Variants in PPM1H observed in about 807,000 individuals in gnomAD.
PPM1H encodes the protein protein phosphatase 1H.
Under a neutral mutation model 54.9 loss-of-function variants are expected in PPM1H, and 27 were observed. That is an observed-to-expected ratio of 0.49 (90% CI 0.36 to 0.68). The LOEUF is 0.68. Ranked by LOEUF, PPM1H falls within the 30% of genes least tolerant of loss-of-function variation. The pLI, the probability that PPM1H is intolerant of heterozygous loss-of-function variation, is 0.00. For synonymous variants in PPM1H, 305 were observed against 270.8 expected (o/e 1.13, Z -1.24); for missense variants, 596 against 667.8 (o/e 0.89, Z 1.19).
chr12:62,871,961 C>A (rs1309816239), intron 1 of PPM1H, among the ~76,000 whole-genome samples: 1 of 152,168 alleles, frequency 6.6e-6, no homozygotes, highest in African/African-American at 2.4e-5. Flanking sequence ...TATTAACTTT[C>A]AGGATTTACA....
At chr12:62,802,567 G>A (rs1265441779) in intron 2 of PPM1H, among the ~76,000 whole-genome samples, 4 of 95,966 alleles carry the variant, frequency 4.2e-5, no homozygotes, top group Admixed American at 3.5e-4. Flanking sequence ...CTTAACTCCC[G>A]TCTTTTTTTT....
chr12:62,733,191 G>A (rs967103862), intron 5 of PPM1H, among the ~76,000 whole-genome samples: 1 of 152,102 alleles, frequency 6.6e-6, no homozygotes, highest in African/African-American at 2.4e-5. Flanking sequence ...ACTCATGACT[G>A]GGCTGGGCTG....
intron 1 of PPM1H, among the ~76,000 whole-genome samples, chr12:62,851,271 C>A (rs1869176592): frequency 6.6e-6 from 1 of 152,126 alleles, no homozygotes; most frequent in African/African-American, 2.4e-5. Flanking sequence ...TAGGGCATTT[C>A]AGAAGGACAC....
At chr12:62,793,451 G>A (rs190467497) in intron 3 of PPM1H, among the ~76,000 whole-genome samples, 2 of 152,144 alleles carry the variant, frequency 1.3e-5, no homozygotes, top group East Asian at 3.9e-4. Flanking sequence ...AGGGCCGGGC[G>A]CGGTGGCTCA....
intron 5 of PPM1H, among the ~76,000 whole-genome samples, chr12:62,721,431 G>A (rs556418190): frequency 1.1e-4 from 16 of 152,316 alleles, no homozygotes; most frequent in African/African-American, 3.4e-4. Flanking sequence ...GGATGAGACA[G>A]GGTGACTGAG....
At chr12:62,886,849 G>C (rs1592655237) in intron 1 of PPM1H, among the ~76,000 whole-genome samples, 1 of 152,318 alleles carries the variant, frequency 6.6e-6, no homozygotes, top group South Asian at 2.1e-4. Context: ...TGAAACAAAG[G>C]GTTTGCCACT....
chr12:62,737,611 A>G, intron 4 of PPM1H, 25 bp from the exon 5 acceptor site: 1 of 1,441,908 alleles, frequency 6.9e-7, no homozygotes, highest in Non-Finnish European at 9.5e-7. Flanking sequence ...ATGCATTGTC[A>G]GTAGCCAATC....
rs2076509371 is a variant in PPM1H, at chr12:62,761,560, G to A, written c.870-23974C>T. Among the ~76,000 whole-genome samples the A allele has an allele frequency of 2.6e-5, 4 of 152,044 alleles. No individual in the cohort carries two copies. The South Asian group carries it at 8.3e-4, about 32-fold the overall frequency. ...AAAATTGGTCTATGTTTTGTACTAA[G>A]GTAGAGATCTCTACCACAAAACACC... On this transcript the variant is annotated intron_variant, in intron 4 of 9. Coordinates refer to ENST00000228705, the MANE Select transcript of PPM1H (RefSeq NM_020700.2).
intron 1 of PPM1H, among the ~76,000 whole-genome samples, chr12:62,932,627 GCT>G: frequency 4.4e-5 from 1 of 22,536 alleles, no homozygotes; most frequent in South Asian, 1.6e-3. Context: ...GTCCAAATGG[GCT>G]TTTTTTTTTT....
In PPM1H at chr12:62,723,176, C is replaced by T. The variant is rs1398943266; in HGVS notation, c.955-2887G>A. Among the ~76,000 whole-genome samples, 5 of 152,210 alleles carry T rather than the reference C, an allele frequency of 3.3e-5. 1 individual carries two copies. The East Asian group carries it at 9.6e-4, about 29-fold the overall frequency. On this transcript the variant is annotated intron_variant, in intron 5 of 9. Coordinates refer to ENST00000228705, the MANE Select transcript of PPM1H (RefSeq NM_020700.2). ...TGACTAGGAGCTGCTGGCTCACTGCCACCGTCCAGCATCACAAGAGAGTAT... is the reference window on the plus strand; with the variant it reads ...TGACTAGGAGCTGCTGGCTCACTGCTACCGTCCAGCATCACAAGAGAGTAT...
chr12:62,748,333 T>C (rs2120566681), intron 4 of PPM1H, among the ~76,000 whole-genome samples: 1 of 152,292 alleles, frequency 6.6e-6, no homozygotes, highest in African/African-American at 2.4e-5. Flanking sequence ...CCAAGTCACT[T>C]CACTTTGTTA....
rs2076773835 is a variant in PPM1H, at chr12:62,802,026, C to G, written c.546G>C (p.Lys182Asn). ...EQLQDIVDIL[K>N]NSAVLPPTCL... Reference sequence around the variant, plus strand: ...AGGTAGGGGGCAGGACGGCGGAGTTCTTCAGGATGTCCACGATGTCCTGCA... The same window carrying G: ...AGGTAGGGGGCAGGACGGCGGAGTTGTTCAGGATGTCCACGATGTCCTGCA... The change falls in exon 3 of 10, where the codon AAG becomes AAC. Residue 182 changes from lysine to asparagine, a missense_variant. Coordinates refer to ENST00000228705, the MANE Select transcript of PPM1H (RefSeq NM_020700.2). The G allele has an allele frequency of 6.2e-7, 1 of 1,613,536 alleles. No homozygotes were observed. Among genetic ancestry groups the G allele is most frequent in the Non-Finnish European group, 8.5e-7 (1 of 1,179,798 alleles).
chr12:62,866,656 T>C (rs1246533031), intron 1 of PPM1H, among the ~76,000 whole-genome samples: 1 of 152,126 alleles, frequency 6.6e-6, no homozygotes, highest in Non-Finnish European at 1.5e-5. Flanking sequence ...CAGATGCCTA[T>C]GACTCCAGCT....
At chr12:62,930,578 T>TAA (rs1424360906) in intron 1 of PPM1H, among the ~76,000 whole-genome samples, 1 of 152,108 alleles carries the variant, frequency 6.6e-6, no homozygotes, top group Admixed American at 6.6e-5. Flanking sequence ...ATCAACAGGA[T>TAA]AAAAATCGGG....
intron 1 of PPM1H, among the ~76,000 whole-genome samples, chr12:62,915,685 T>TCACC (rs750564553): frequency 3.1e-4 from 47 of 152,060 alleles, no homozygotes; most frequent in Middle Eastern, 3.2e-3. Context: ...TTGAAGGGAA[T>TCACC]CACCAATCCT....
chr12:62,910,024 G>A (rs534113021), intron 1 of PPM1H, among the ~76,000 whole-genome samples: 36 of 152,262 alleles, frequency 2.4e-4, no homozygotes, highest in African/African-American at 7.0e-4. Flanking sequence ...AAATGGCCTC[G>A]AGGAAGGGCT....
chr12:62,840,569 G>A (rs1013016812), intron 1 of PPM1H, among the ~76,000 whole-genome samples: 3 of 152,126 alleles, frequency 2.0e-5, no homozygotes, highest in Non-Finnish European at 2.9e-5. Context: ...AGATGAAGAG[G>A]CATCTGAGCT....
In PPM1H at chr12:62,668,904, C is replaced by G. The variant is rs568799139; in HGVS notation, c.1246-1575G>C. Among the ~76,000 whole-genome samples, 4 of 152,342 alleles carry G rather than the reference C, an allele frequency of 2.6e-5. No homozygotes were observed. In the South Asian group the frequency reaches 8.3e-4, roughly 32 times the overall value. On this transcript the variant is annotated intron_variant, in intron 8 of 9. Coordinates refer to ENST00000228705, the MANE Select transcript of PPM1H (RefSeq NM_020700.2). ...GGGGCTGGTCCTGTGGGCTGACAGT[C>G]TATTCCCAGCAGCAGAACACAACAA...
intron 6 of PPM1H, among the ~76,000 whole-genome samples, chr12:62,703,223 T>C (rs1371886115): frequency 6.6e-6 from 1 of 152,170 alleles, no homozygotes; most frequent in African/African-American, 2.4e-5. Context: ...CTTTTTCTAC[T>C]GTAAGCATGA....
Sources: gnomAD v4.1 joint callset for allele counts (sites outside exome capture counted in the v4.1 genomes callset) on GRCh38, gnomAD v4.1.1 for gene constraint, MANE v1.5 for transcripts, NCBI Gene and HGNC (gene_info 2026-07-23, HGNC 2026-07-21) for gene names.